The following CFH variants were observed in gnomAD, a reference collection of about 807,000 sequenced individuals.
CFH encodes H factor 1 (complement).
A neutral mutation model predicts 147.3 loss-of-function variants in CFH; 53 were observed. That is an observed-to-expected ratio of 0.36 (90% confidence interval 0.29 to 0.45). CFH has a LOEUF of 0.45. Ranked by LOEUF, CFH falls within the 20% of genes least tolerant of loss-of-function variation. The pLI, the probability that CFH is intolerant of heterozygous loss-of-function variation, is 1.00. For synonymous variants in CFH, 536 were observed against 489.4 expected (o/e 1.10, Z -1.26); for missense variants, 1,380 against 1,498.0 (o/e 0.92, Z 1.30).
chr1:196,707,244 A>AG, intron 9 of CFH, among the ~76,000 whole-genome samples: 1 of 152,330 alleles, frequency 6.6e-6, no homozygotes, highest in Non-Finnish European at 1.5e-5. Context: ...GCTCAGAGTA[A>AG]GGGTGGTCCC....
At chr1:196,717,115 G>C (rs1296824558) in intron 11 of CFH, among the ~76,000 whole-genome samples, 1 of 152,000 alleles carries the variant, frequency 6.6e-6, no homozygotes, top group Non-Finnish European at 1.5e-5. Context: ...AATCTAGAAT[G>C]TTGCCATAGA....
rs533254305 is a variant in CFH at position 196,695,963 on chromosome 1, C to T, written c.1336+5724C>T. 3.3e-5 allele frequency among the ~76,000 whole-genome samples: 5 copies of T among 152,210 alleles called. No homozygotes were observed. In the South Asian group the frequency reaches 8.3e-4, roughly 25 times the overall value. ...TCATCTGCAAAAAGAGACAATTTGA[C>T]TTCCTCTCTTCCTATTTGAATACTC... On this transcript the variant is annotated intron_variant, in intron 9 of 21. Transcript: ENST00000367429.
chr1:196,736,171 C>T lies in CFH; in HGVS notation c.2414-653C>T, dbSNP rs1474483175. On this transcript the variant is annotated intron_variant, in intron 15 of 21. Coordinates refer to ENST00000367429, the MANE Select transcript of CFH (RefSeq NM_000186.4). The stretch of plus-strand genomic sequence containing the variant: ...TTTATATGTGATTATACAACTAAAG[C>T]CAGGCTGTGCAATGCATTAAACTGG... 2.0e-5 allele frequency among the ~76,000 whole-genome samples: 3 copies of T among 151,958 alleles called. No individual in the cohort carries two copies. In the South Asian group the frequency reaches 6.2e-4, roughly 32 times the overall value.
intron 17 of CFH, among the ~76,000 whole-genome samples, chr1:196,737,958 C>T (rs1253319282): frequency 6.6e-6 from 1 of 151,784 alleles, no homozygotes; most frequent in African/African-American, 2.4e-5. Context: ...TTTATACATA[C>T]AAAAAAAGGT....
intron 19 of CFH, among the ~76,000 whole-genome samples, chr1:196,742,517 G>T (rs946262659): frequency 2.6e-5 from 4 of 152,098 alleles, no homozygotes; most frequent in African/African-American, 9.7e-5. Context: ...CAAAGTAGTC[G>T]TATGCCTAAA....
At chr1:196,713,362 G>T (rs1328901125) in intron 9 of CFH, among the ~76,000 whole-genome samples, 1 of 152,092 alleles carries the variant, frequency 6.6e-6, no homozygotes, top group African/African-American at 2.4e-5. Flanking sequence ...TTGGCTAAAT[G>T]AGATTTGGAA....
At chr1:196,709,558 A>G (rs1262329682) in intron 9 of CFH, among the ~76,000 whole-genome samples, 2 of 152,176 alleles carry the variant, frequency 1.3e-5, no homozygotes. Flanking sequence ...TAGGAAAGTT[A>G]TATAAAATTG....
intron 9 of CFH, among the ~76,000 whole-genome samples, chr1:196,692,080 T>C (rs1229720899): frequency 6.6e-6 from 1 of 152,058 alleles, no homozygotes; most frequent in Non-Finnish European, 1.5e-5. Context: ...TTCTGCACTA[T>C]TAGTAAACAA....
intron 9 of CFH, among the ~76,000 whole-genome samples, chr1:196,709,117 A>G (rs1668663732): frequency 6.6e-6 from 1 of 152,170 alleles, no homozygotes; most frequent in Admixed American, 6.5e-5. Context: ...TTCTGGTAAA[A>G]TAAAAACCAA....
Position 196,673,121 on chromosome 1 carries a change from A to C in CFH, c.202A>C (p.Lys68Gln), listed in dbSNP as rs1667339290. Reference sequence around the variant, plus strand: ...TGGAAATGTAATAATGGTATGCAGGAAGGGAGAATGGGTTGCTCTTAATCC... The same window carrying C: ...TGGAAATGTAATAATGGTATGCAGGCAGGGAGAATGGGTTGCTCTTAATCC... The part of the protein sequence containing the change: ...SLGNVIMVCR[K>Q]GEWVALNPLR... Residue 68 changes from lysine to glutamine, a missense_variant, in exon 2 of 22, where the codon AAG becomes CAG. Transcript: ENST00000367429. The C allele has an allele frequency of 6.2e-7, 1 of 1,613,894 alleles. No homozygotes were observed. Among genetic ancestry groups the C allele is most frequent in the Non-Finnish European group, 8.5e-7 (1 of 1,179,842 alleles).
At chr1:196,740,927 A>T in intron 18 of CFH, 135 bp downstream of exon 18, 1 of 879,776 alleles carries the variant, frequency 1.1e-6, no homozygotes. Flanking sequence ...GCTGTGGGAA[A>T]TTATAGCTGT....
At chr1:196,700,648 C>T (rs1022425076) in intron 9 of CFH, among the ~76,000 whole-genome samples, 19 of 138,418 alleles carry the variant, frequency 1.4e-4, no homozygotes, top group South Asian at 7.1e-4. Context: ...ATTGAGATTC[C>T]GTCTCAAAAA....
chr1:196,710,017 A>G (rs1668686784), intron 9 of CFH, among the ~76,000 whole-genome samples: 1 of 135,922 alleles, frequency 7.4e-6, no homozygotes, highest in South Asian at 2.6e-4. Context: ...GCTCAAAAAC[A>G]AAACACACAC....
chr1:196,698,815 G>C lies in CFH; in HGVS notation c.1336+8576G>C, dbSNP rs144129914. On this transcript the variant is annotated intron_variant, in intron 9 of 21. Coordinates refer to ENST00000367429, the MANE Select transcript of CFH (RefSeq NM_000186.4). ...TAATATCCCTGATGAACATCAATGC[G>C]AAAATCCTCAATAAAATACTGGCAA... 7.0e-3 allele frequency among the ~76,000 whole-genome samples: 1,058 copies of C among 152,154 alleles called. 9 individuals carry two copies. Among genetic ancestry groups the C allele is most frequent in the African/African-American group, 0.024 (985 of 41,520 alleles).
chr1:196,745,052 T>A (rs1487628205), intron 20 of CFH, among the ~76,000 whole-genome samples: 3 of 152,184 alleles, frequency 2.0e-5, no homozygotes, highest in African/African-American at 7.2e-5. Flanking sequence ...GAATTGTTGA[T>A]CCCCTCGAGG....
At chr1:196,653,694 T>C (rs1666581456) in intron 1 of CFH, among the ~76,000 whole-genome samples, 2 of 152,064 alleles carry the variant, frequency 1.3e-5, no homozygotes, top group Non-Finnish European at 2.9e-5. Context: ...ACAATAGTGA[T>C]TTAAACATCT....
At chr1:196,688,297 A>ATATAACTCTAT (rs1274790860) in intron 7 of CFH, among the ~76,000 whole-genome samples, 6 of 151,922 alleles carry the variant, frequency 3.9e-5, no homozygotes, top group African/African-American at 1.4e-4. Context: ...ATTAATATAT[A>ATATAACTCTAT]ATAACTCAGT....
intron 15 of CFH, among the ~76,000 whole-genome samples, chr1:196,735,406 T>C (rs1669376862): frequency 6.6e-6 from 1 of 152,124 alleles, no homozygotes; most frequent in African/African-American, 2.4e-5. Context: ...ACACACTAAA[T>C]GTAGAATTAG....
Position 196,714,623 on chromosome 1 carries a change from A to G in CFH, c.1519+706A>G, listed in dbSNP as rs199851393. Among the ~76,000 whole-genome samples the G allele has an allele frequency of 9.2e-4, 66 of 72,038 alleles. 1 individual carries two copies. The highest frequency in any genetic ancestry group is 3.4e-3 in the African/African-American group (52 of 15,430). The allele number at this position is 72,038 out of a possible 152,430, so 47.3% of individuals were successfully genotyped here. On this transcript the variant is annotated intron_variant, in intron 10 of 21. Coordinates refer to ENST00000367429, the MANE Select transcript of CFH (RefSeq NM_000186.4). ...TGTGTGTGTGTGTGTGTGTGTGTGT[A>G]TACGTATATATGTATATATATATAT... is the stretch of plus-strand genomic sequence containing the variant.
Sources: allele counts gnomAD v4.1 joint callset (sites outside exome capture counted in the v4.1 genomes callset), GRCh38; gene constraint gnomAD v4.1.1; transcripts MANE v1.5; gene names NCBI Gene and HGNC (gene_info 2026-07-23, HGNC 2026-07-21).